The following TMEM170A variants were observed in gnomAD, a reference collection of about 807,000 sequenced individuals.
TMEM170A encodes transmembrane protein 170A.
In TMEM170A, 18 loss-of-function variants were observed where a neutral mutation model predicts 12.8. That is an observed-to-expected ratio of 1.41 (90% CI 0.97 to 2.09). TMEM170A has a LOEUF of 2.09. TMEM170A is among the 30% of genes most tolerant of loss of function. The probability of loss-of-function intolerance (pLI) is 0.00; values close to 1 mark genes in which losing one functional copy is unlikely to be tolerated. For synonymous variants in TMEM170A, 107 were observed against 76.2 expected, an observed-to-expected ratio of 1.40 and a Z score of -2.11; for missense variants, 220 against 179.9, an observed-to-expected ratio of 1.22 and a Z score of -1.28.
intron 1 of TMEM170A, among the ~76,000 whole-genome samples, chr16:75,461,522 C>T (rs1410244981): frequency 6.6e-6 from 1 of 152,184 alleles, no homozygotes; most frequent in Non-Finnish European, 1.5e-5. Context: ...TGCAAGTAAC[C>T]TTTTCTGTGG....
rs1279404221 is a variant in TMEM170A, at chr16:75,445,498, T to TGTTGCCCAGGCCAGTCTTGAAC, written c.*2038_*2059dup. 2 of 152,210 alleles carry TGTTGCCCAGGCCAGTCTTGAAC rather than the reference T, an allele frequency of 1.3e-5. No homozygotes were observed. The highest frequency in any genetic ancestry group is 4.8e-5 in the African/African-American group (2 of 41,430). 9.4% of individuals were successfully genotyped at this position (152,210 alleles called of 1,614,324 possible). ...TTGTAGTAGAGACAAGGTCTCACTATGTTGCCCAGGCCAGTCTTGAACTCT... is the reference window on the plus strand; with the variant it reads ...TTGTAGTAGAGACAAGGTCTCACTATGTTGCCCAGGCCAGTCTTGAACGTTGCCCAGGCCAGTCTTGAACTCT... On this transcript the variant is annotated 3_prime_UTR_variant, in exon 3 of 3. Coordinates refer to ENST00000561878, the MANE Select transcript of TMEM170A (RefSeq NM_145254.3).
chr16:75,452,807 T>C (rs1394490157), intron 1 of TMEM170A: 1 of 152,180 alleles, frequency 6.6e-6, no homozygotes, highest in African/African-American at 2.4e-5. Context: ...GGTTTTAGTG[T>C]GTTCAACAAA....
intron 1 of TMEM170A, chr16:75,458,771 GATCA>G (rs1238267076): frequency 6.6e-6 from 1 of 152,158 alleles, no homozygotes; most frequent in Non-Finnish European, 1.5e-5. Flanking sequence ...GTTAATCACT[GATCA>G]ATCAAATAAA....
At position 75,449,424 on chromosome 16, in the gene TMEM170A, C is replaced by T. The variant is rs141888925; in HGVS notation, c.305-1736G>A. On this transcript the variant is annotated intron_variant, in intron 2 of 2. Transcript: ENST00000561878. ...CTCCCTGCAGCCTCAACCTCCTGGGCTCAAGTGATCCTCCCGAGCAGCTGG... is the reference window on the plus strand; with the variant it reads ...CTCCCTGCAGCCTCAACCTCCTGGGTTCAAGTGATCCTCCCGAGCAGCTGG... Among the ~76,000 whole-genome samples, 569 of 151,782 alleles carry T rather than the reference C, an allele frequency of 3.7e-3. 4 individuals are homozygous for T. Among genetic ancestry groups the T allele is most frequent in the African/African-American group, 0.012 (505 of 41,408 alleles).
intron 1 of TMEM170A, among the ~76,000 whole-genome samples, chr16:75,452,118 C>T (rs1400482889): frequency 6.6e-6 from 1 of 151,726 alleles, no homozygotes; most frequent in African/African-American, 2.4e-5. Context: ...ACTACAGGCA[C>T]CCGCCACCGC....
chr16:75,454,629 C>T (rs78056552), intron 1 of TMEM170A, among the ~76,000 whole-genome samples: 8 of 151,798 alleles, frequency 5.3e-5, no homozygotes, highest in African/African-American at 1.5e-4. Flanking sequence ...AATGACACTC[C>T]GTCTCAAAAA....
intron 1 of TMEM170A, 63 bp from the exon 2 acceptor site, chr16:75,451,902 G>C (rs2079694056): frequency 2.8e-6 from 4 of 1,427,352 alleles, no homozygotes; most frequent in Non-Finnish European, 3.9e-6. Flanking sequence ...CATTGCAGAG[G>C]GTACTCATCA....
intron 2 of TMEM170A, among the ~76,000 whole-genome samples, chr16:75,448,867 T>C (rs2079632034): frequency 6.6e-6 from 1 of 151,542 alleles, no homozygotes; most frequent in South Asian, 2.1e-4. Context: ...TTTGAGACCA[T>C]CCTGGGTAAC....
Position 75,445,460 on chromosome 16 carries a change from A to AT in TMEM170A, c.*2097dup, listed in dbSNP as rs964213397. 7 of 151,486 alleles carry AT rather than the reference A, an allele frequency of 4.6e-5. No homozygotes were observed. The highest frequency in any genetic ancestry group is 1.9e-4 in the East Asian group (1 of 5,156). The allele number at this position is 151,486 out of a possible 1,614,324, so 9.4% of individuals were successfully genotyped here. ...GGGTAGCTGAGGCCACGCCCAGCTA[A>AT]TTTTTTTTTATTTTGTAGTAGAGAC... On this transcript the variant is annotated 3_prime_UTR_variant, in exon 3 of 3. Coordinates refer to ENST00000561878, the MANE Select transcript of TMEM170A (RefSeq NM_145254.3).
rs1394753541 is a variant in TMEM170A, at chr16:75,451,692, G to C, written c.281C>G (p.Pro94Arg). The C allele has an allele frequency of 6.8e-6, 11 of 1,614,018 alleles. No individual in the cohort carries two copies. The highest frequency in any genetic ancestry group is 1.6e-4 in the Middle Eastern group (1 of 6,084). The change falls in exon 2 of 3, where the codon CCA becomes CGA. Residue 94 changes from proline (P) to arginine (R), a missense_variant. By Grantham distance (103) the Pro-to-Arg change is moderately radical (BLOSUM62 -2). Coordinates refer to ENST00000561878, the MANE Select transcript of TMEM170A (RefSeq NM_145254.3). ...VSILLMGIVG[P>R]ITAGILTSAA... ...ACTTGTCAAGATTCCAGCAGTAATT[G>C]GTCCCACGATGCCCATCAACAGGAT...
chr16:75,451,350 G>A (rs2079677768), intron 2 of TMEM170A: 4 of 439,898 alleles, frequency 9.1e-6, no homozygotes, highest in Non-Finnish European at 1.6e-5. Flanking sequence ...AGGAGTTCGA[G>A]ACCCGGGCAA....
At chr16:75,463,933 G>A (rs896070992) in intron 1 of TMEM170A, among the ~76,000 whole-genome samples, 1 of 152,254 alleles carries the variant, frequency 6.6e-6, no homozygotes, top group East Asian at 1.9e-4. Context: ...CTAGAAAGCG[G>A]AGCGGGTCTC....
At chr16:75,461,178 C>T (rs111235450) in intron 1 of TMEM170A, among the ~76,000 whole-genome samples, 5 of 151,744 alleles carry the variant, frequency 3.3e-5, no homozygotes, top group Non-Finnish European at 7.4e-5. Context: ...CTCAGCCTCC[C>T]GAGTAGCTGG....
intron 1 of TMEM170A, among the ~76,000 whole-genome samples, chr16:75,455,697 C>T (rs2079779919): frequency 6.6e-6 from 1 of 152,044 alleles, no homozygotes; most frequent in African/African-American, 2.4e-5. Flanking sequence ...CCCAGCTACT[C>T]AGGAGGCTGA....
chr16:75,461,696 T>C (rs2079910918), intron 1 of TMEM170A, among the ~76,000 whole-genome samples: 1 of 152,218 alleles, frequency 6.6e-6, no homozygotes. Flanking sequence ...CAAATTCTGA[T>C]CTACTTGGGG....
In TMEM170A at chr16:75,443,618, T is replaced by C. The variant is rs2079535406; in HGVS notation, c.*3940A>G. On this transcript the variant is annotated 3_prime_UTR_variant, in exon 3 of 3. Coordinates refer to ENST00000561878, the MANE Select transcript of TMEM170A (RefSeq NM_145254.3). ...ATACAATTTAAAATCTTAAAAAAAA[T>C]AAGGAACGGTTTAAAGGTAATTAAT... 1 of 152,070 alleles carries C rather than the reference T, an allele frequency of 6.6e-6. No individual in the cohort carries two copies. The highest frequency in any genetic ancestry group is 2.4e-5 in the African/African-American group (1 of 41,410). 9.4% of individuals were successfully genotyped at this position (152,070 alleles called of 1,614,324 possible).
chr16:75,448,347 G>A (rs2079623948), intron 2 of TMEM170A, among the ~76,000 whole-genome samples: 2 of 152,210 alleles, frequency 1.3e-5, no homozygotes, highest in South Asian at 4.1e-4. Context: ...ATAATTTCCT[G>A]CAAATTGGAA....
chr16:75,464,432 G>T, intron 1 of TMEM170A, 36 bp downstream of exon 1: 1 of 1,404,318 alleles, frequency 7.1e-7, no homozygotes, highest in South Asian at 1.6e-5. Flanking sequence ...CGGCGACGGC[G>T]GGGCGCGCAG....
chr16:75,463,146 T>C (rs924663036), intron 1 of TMEM170A, among the ~76,000 whole-genome samples: 2 of 152,168 alleles, frequency 1.3e-5, no homozygotes, highest in African/African-American at 2.4e-5. Flanking sequence ...TGGGTATTTG[T>C]TATACTGTTC....
Sources: gnomAD v4.1 joint callset for allele counts (sites outside exome capture counted in the v4.1 genomes callset) on GRCh38, gnomAD v4.1.1 for gene constraint, MANE v1.5 for transcripts, NCBI Gene and HGNC (gene_info 2026-07-23, HGNC 2026-07-21) for gene names.